AK3: variants seen among roughly 807,000 people sequenced by gnomAD.
The protein encoded by AK3 is GTP:AMP phosphotransferase AK3, mitochondrial.
In AK3, 27 loss-of-function variants were observed where a neutral mutation model predicts 23.7. That is an observed-to-expected ratio of 1.14 (90% CI 0.84 to 1.57). The LOEUF is 1.57. Among genes scored for constraint, AK3 ranks in the 40% most tolerant of loss-of-function variants. The pLI, the probability that AK3 is intolerant of heterozygous loss-of-function variation, is 0.00. For missense variants in AK3, 406 were observed against 285.6 expected (o/e 1.42, Z -3.04); for synonymous variants, 159 against 116.0 (o/e 1.37, Z -2.38).
At chr9:4,734,146 T>G (rs1005638131) in intron 1 of AK3, among the ~76,000 whole-genome samples, 2 of 152,166 alleles carry the variant, frequency 1.3e-5, no homozygotes, top group African/African-American at 4.8e-5. Flanking sequence ...CCAATAAGCC[T>G]GGTGTCTTTA....
rs7839 is a variant in AK3 at position 4,711,224 on chromosome 9, A to C, written c.*1752T>G. Reference sequence around the variant, plus strand: ...ATTGAGACATCAGGCAGCAGAAAGGAAGGTGGGATGGAGCAGGCCCTGTGA... The same window carrying C: ...ATTGAGACATCAGGCAGCAGAAAGGCAGGTGGGATGGAGCAGGCCCTGTGA... On this transcript the variant is annotated 3_prime_UTR_variant, in exon 5 of 5. Coordinates refer to ENST00000381809, the MANE Select transcript of AK3 (RefSeq NM_016282.4). 0.14 allele frequency: 21,151 copies of C among 152,696 alleles called. 1,794 individuals are homozygous for C. The highest frequency in any genetic ancestry group is 0.23 in the African/African-American group (9,573 of 41,520). 9.5% of individuals were successfully genotyped at this position (152,696 alleles called of 1,614,324 possible). A position where few individuals can be genotyped will look rare whatever the true frequency, so the allele number is the denominator to read the frequency against.
At chr9:4,719,683 A>G (rs553352767) in intron 2 of AK3, among the ~76,000 whole-genome samples, 193 of 152,310 alleles carry the variant, frequency 1.3e-3, no homozygotes, top group African/African-American at 4.5e-3. Context: ...CACCCAAATA[A>G]CAAAGAATTC....
intron 1 of AK3, among the ~76,000 whole-genome samples, chr9:4,726,309 T>C (rs1057075626): frequency 6.6e-6 from 1 of 152,214 alleles, no homozygotes; most frequent in Non-Finnish European, 1.5e-5. Flanking sequence ...AACTTCTCTG[T>C]AGCATGCAGT....
intron 4 of AK3, among the ~76,000 whole-genome samples, chr9:4,715,259 A>C (rs1841693442): frequency 6.6e-6 from 1 of 151,626 alleles, no homozygotes; most frequent in Non-Finnish European, 1.5e-5. Flanking sequence ...GAAAAAGAAA[A>C]GAAAAGCTTG....
intron 1 of AK3, among the ~76,000 whole-genome samples, chr9:4,728,506 G>T (rs969472805): frequency 6.6e-6 from 1 of 152,176 alleles, no homozygotes; most frequent in African/African-American, 2.4e-5. Flanking sequence ...GGGAGGCGGA[G>T]GTTTCAGTGA....
chr9:4,731,439 G>T (rs546238944), intron 1 of AK3, among the ~76,000 whole-genome samples: 34 of 152,224 alleles, frequency 2.2e-4, no homozygotes, highest in Middle Eastern at 3.4e-3. Context: ...TCCCTGCAAA[G>T]GACGTAATCT....
At chr9:4,741,469 C>G (rs978874969), upstream of AK3, among the ~76,000 whole-genome samples, 1 of 152,026 alleles carries the variant, frequency 6.6e-6, no homozygotes, top group African/African-American at 2.4e-5. Context: ...TGCACCCACC[C>G]CCACGCGCCC....
chr9:4,736,066 G>A (rs1842285524), intron 1 of AK3, among the ~76,000 whole-genome samples: 1 of 143,986 alleles, frequency 6.9e-6, no homozygotes, highest in South Asian at 2.2e-4. Context: ...AGTGAGCCGA[G>A]ATCGTGCCAC....
intron 4 of AK3, 98 bp from the exon 5 acceptor site, chr9:4,713,194 A>G: frequency 6.8e-7 from 1 of 1,462,948 alleles, no homozygotes; most frequent in Non-Finnish European, 9.2e-7. Context: ...TTGTAGATAT[A>G]GGAGTCTTGG....
At chr9:4,733,417 G>A (rs1480972271) in intron 1 of AK3, among the ~76,000 whole-genome samples, 1 of 152,214 alleles carries the variant, frequency 6.6e-6, no homozygotes, top group South Asian at 2.1e-4. Context: ...GTGCATGGAA[G>A]GGGAACGGGA....
intron 1 of AK3, 149 bp downstream of exon 1, chr9:4,740,788 C>T (rs763067596): frequency 8.4e-6 from 9 of 1,075,186 alleles, no homozygotes; most frequent in Non-Finnish European, 1.1e-5. Flanking sequence ...GGGGCGCAGT[C>T]GCTCAGCAGC....
chr9:4,714,120 C>A lies in AK3; in HGVS notation c.564-1024G>T, dbSNP rs71216135. 4.0e-3 allele frequency among the ~76,000 whole-genome samples: 133 copies of A among 33,174 alleles called. 1 individual carries two copies. Among genetic ancestry groups the A allele is most frequent in the African/African-American group, 0.015 (82 of 5,558 alleles). The allele number at this position is 33,174 out of a possible 152,430, so 21.8% of individuals were successfully genotyped here. A position where few individuals can be genotyped will look rare whatever the true frequency, so the allele number is the denominator to read the frequency against. ...TACACACCTACACATATACACACCT[C>A]CACATATACACACCTACACATATAC... On this transcript the variant is annotated intron_variant, in intron 4 of 4. Transcript: ENST00000381809.
chr9:4,736,862 G>C (rs1210105392), intron 1 of AK3, among the ~76,000 whole-genome samples: 1 of 152,084 alleles, frequency 6.6e-6, no homozygotes, highest in Non-Finnish European at 1.5e-5. Flanking sequence ...ATCTTTTGTA[G>C]AGACGGGTTC....
At position 4,712,792 on chromosome 9, in the gene AK3, C is replaced by T. The variant is rs79682559; in HGVS notation, c.*184G>A. The stretch of plus-strand genomic sequence containing the variant: ...ATACAACACACTAGATGATTTCAAA[C>T]GATGCATCTTAGTATCCGAATCATT... On this transcript the variant is annotated 3_prime_UTR_variant, in exon 5 of 5. Transcript: ENST00000381809. 3 of 593,118 alleles carry T rather than the reference C, an allele frequency of 5.1e-6. No homozygotes were observed. The highest frequency in any genetic ancestry group is 5.4e-6 in the Non-Finnish European group (2 of 370,170). 36.7% of individuals were successfully genotyped at this position (593,118 alleles called of 1,614,324 possible).
intron 1 of AK3, among the ~76,000 whole-genome samples, chr9:4,737,548 T>G (rs554331858): frequency 2.0e-5 from 3 of 152,146 alleles, no homozygotes; most frequent in African/African-American, 7.2e-5. Context: ...GGCAAAACCA[T>G]CTCTACTGAA....
At chr9:4,718,320 T>C in intron 4 of AK3, 99 bp downstream of exon 4, 2 of 853,590 alleles carry the variant, frequency 2.3e-6, no homozygotes, top group Non-Finnish European at 3.9e-6. Context: ...GTGAACTGGG[T>C]CTTTTGGCAT....
At chr9:4,724,741 T>A (rs1174554581) in intron 1 of AK3, among the ~76,000 whole-genome samples, 1 of 150,942 alleles carries the variant, frequency 6.6e-6, no homozygotes, top group Admixed American at 6.6e-5. Context: ...ATCATGCTAC[T>A]GCACTCCCGC....
chr9:4,717,659 G>A (rs2130876666), intron 4 of AK3, among the ~76,000 whole-genome samples: 1 of 152,300 alleles, frequency 6.6e-6, no homozygotes, highest in South Asian at 2.1e-4. Context: ...TCGAGCACCT[G>A]TACAACCATC....
intron 1 of AK3, among the ~76,000 whole-genome samples, chr9:4,734,074 G>A (rs1024284988): frequency 6.6e-6 from 1 of 152,124 alleles, no homozygotes; most frequent in African/African-American, 2.4e-5. Context: ...GACTATATTT[G>A]GAAATAGGGC....
Sources: allele counts gnomAD v4.1 joint callset (sites outside exome capture counted in the v4.1 genomes callset), GRCh38; gene constraint gnomAD v4.1.1; transcripts MANE v1.5; gene names NCBI Gene and HGNC (gene_info 2026-07-23, HGNC 2026-07-21).